MEGF10: variants seen among roughly 807,000 people sequenced by gnomAD.
The protein encoded by MEGF10 is multiple EGF like domains 10, also known as multiple epidermal growth factor-like domains protein 10.
MEGF10 carries 86 observed loss-of-function variants against 147.5 expected under a neutral mutation model. That is an observed-to-expected ratio of 0.58 (90% CI 0.49 to 0.70). The LOEUF is 0.70. Ranked by LOEUF, MEGF10 falls within the 30% of genes least tolerant of loss-of-function variation. The pLI, the probability that MEGF10 is intolerant of heterozygous loss-of-function variation, is 0.00. For missense variants in MEGF10, 1,329 were observed against 1,487.3 expected (o/e 0.89, Z 1.75); for synonymous variants, 478 against 525.5 (o/e 0.91, Z 1.24).
At chr5:127,332,161 A>G (rs1042240091) in intron 2 of MEGF10, among the ~76,000 whole-genome samples, 2 of 152,186 alleles carry the variant, frequency 1.3e-5, no homozygotes, top group African/African-American at 4.8e-5. Context: ...GGGACTTTAT[A>G]GTCCCTTTTG....
At chr5:127,376,652 T>A (rs1763041237) in intron 5 of MEGF10, among the ~76,000 whole-genome samples, 1 of 152,150 alleles carries the variant, frequency 6.6e-6, no homozygotes, top group South Asian at 2.1e-4. Flanking sequence ...ACATTGATGA[T>A]CATGATGATA....
At chr5:127,416,411 G>T (rs771456935) in intron 9 of MEGF10, among the ~76,000 whole-genome samples, 9 of 152,130 alleles carry the variant, frequency 5.9e-5, no homozygotes, top group Non-Finnish European at 1.3e-4. Context: ...TTGGCCCAAG[G>T]ATAATAGAAG....
intron 4 of MEGF10, among the ~76,000 whole-genome samples, chr5:127,359,454 C>T (rs545441043): frequency 6.6e-6 from 1 of 151,964 alleles, no homozygotes; most frequent in Non-Finnish European, 1.5e-5. Flanking sequence ...GTACACAACC[C>T]TTAAACCCTC....
At chr5:127,316,451 A>AT (rs935495014) in intron 1 of MEGF10, among the ~76,000 whole-genome samples, 1 of 152,162 alleles carries the variant, frequency 6.6e-6, no homozygotes, top group African/African-American at 2.4e-5. Context: ...GAGACTACAT[A>AT]TTTTTTATCT....
rs370519370 is a variant in MEGF10, at chr5:127,449,053, G to A, written c.2857-46G>A. On this transcript the variant is annotated intron_variant, in intron 21 of 24. Transcript: ENST00000503335. ...CAGGTCCATAACGCTGTGCTGTGCCGCATTGTATTTTGTTTTTAATCTTTC... is the reference window on the plus strand; with the variant it reads ...CAGGTCCATAACGCTGTGCTGTGCCACATTGTATTTTGTTTTTAATCTTTC... 2.2e-5 allele frequency: 36 copies of A among 1,608,714 alleles called. No homozygotes were observed. The African/African-American group carries it at 3.1e-4, about 14-fold the overall frequency.
chr5:127,243,406 A>T, the MEGF10 span, among the ~76,000 whole-genome samples: 3 of 152,192 alleles, frequency 2.0e-5, no homozygotes, highest in African/African-American at 7.2e-5. Context: ...CCCTCCCAAA[A>T]AAGCTCTCTT....
At chr5:127,354,013 C>T (rs911815565) in intron 4 of MEGF10, among the ~76,000 whole-genome samples, 4 of 152,230 alleles carry the variant, frequency 2.6e-5, no homozygotes, top group East Asian at 1.9e-4. Context: ...TGTATGATTT[C>T]CTGTTCTTAA....
chr5:127,319,130 C>T (rs1055010314), intron 1 of MEGF10, among the ~76,000 whole-genome samples: 6 of 147,740 alleles, frequency 4.1e-5, no homozygotes, highest in Non-Finnish European at 8.9e-5. Flanking sequence ...GGCTGGAGTG[C>T]AGTGGTATGA....
intron 8 of MEGF10, among the ~76,000 whole-genome samples, chr5:127,406,652 C>T (rs1324374425): frequency 6.6e-6 from 1 of 152,080 alleles, no homozygotes; most frequent in Non-Finnish European, 1.5e-5. Context: ...CAGTCCTCCC[C>T]GCCAGAGAGA....
intron 8 of MEGF10, among the ~76,000 whole-genome samples, chr5:127,407,384 A>C (rs80129618): frequency 0.021 from 3,153 of 152,300 alleles, 59 homozygotes; most frequent in Middle Eastern, 0.086. Context: ...TAACTCACTT[A>C]CTTTTTTCCT....
the MEGF10 span, among the ~76,000 whole-genome samples, chr5:127,246,405 G>A: frequency 2.6e-5 from 4 of 152,054 alleles, no homozygotes; most frequent in Non-Finnish European, 5.9e-5. Flanking sequence ...GTTGAACAAT[G>A]AGAATATATG....
chr5:127,309,456 C>T (rs1760163319), intron 1 of MEGF10, among the ~76,000 whole-genome samples: 1 of 152,192 alleles, frequency 6.6e-6, no homozygotes, highest in South Asian at 2.1e-4. Context: ...TTTCCTCTTA[C>T]TCCAGCCCTT....
In MEGF10 at chr5:127,409,017, C is replaced by T. The variant is rs141918777; in HGVS notation, c.918-1372C>T. ...AATTGAGCCCAGGAGTTCGAGGTTA[C>T]AGTGAGCTATGATGGCACCACTGCA... On this transcript the variant is annotated intron_variant, in intron 8 of 24. Coordinates refer to ENST00000503335, the MANE Select transcript of MEGF10 (RefSeq NM_001256545.2). 5.8e-3 allele frequency among the ~76,000 whole-genome samples: 879 copies of T among 152,190 alleles called. 11 individuals carry two copies. Among genetic ancestry groups the T allele is most frequent in the African/African-American group, 0.02 (840 of 41,516 alleles).
chr5:127,358,756 T>C (rs1039925325), intron 4 of MEGF10, among the ~76,000 whole-genome samples: 2 of 152,202 alleles, frequency 1.3e-5, no homozygotes, highest in Non-Finnish European at 2.9e-5. Flanking sequence ...TCAGACCTGT[T>C]GTAGGTTCAG....
Position 127,459,979 on chromosome 5 carries a change from A to G in MEGF10, c.*2661A>G, listed in dbSNP as rs940799953. 2.0e-5 allele frequency: 3 copies of G among 152,238 alleles called. No homozygotes were observed. The highest frequency in any genetic ancestry group is 2.0e-4 in the Admixed American group (3 of 15,284). 9.4% of individuals were successfully genotyped at this position (152,238 alleles called of 1,614,324 possible). On this transcript the variant is annotated 3_prime_UTR_variant, in exon 25 of 25. Transcript: ENST00000503335. ...ATCTTGGCAAAATTTTCCCTCTGAA[A>G]TTACAAACTTTAGGAACTTTTCCAG...
intron 5 of MEGF10, among the ~76,000 whole-genome samples, chr5:127,386,726 C>A (rs1300519295): frequency 2.0e-5 from 3 of 152,166 alleles, no homozygotes; most frequent in East Asian, 3.8e-4. Flanking sequence ...ATGAATGATT[C>A]ATGCAAGACA....
chr5:127,458,150 A>T lies in MEGF10; in HGVS notation c.*832A>T, dbSNP rs180938359. On this transcript the variant is annotated 3_prime_UTR_variant, in exon 25 of 25. Transcript: ENST00000503335. Reference sequence around the variant, plus strand: ...CAATAGTTATTTCATAAATATAGAAATGAAATAATTTTATTTTTGACAGAC... The same window carrying T: ...CAATAGTTATTTCATAAATATAGAATTGAAATAATTTTATTTTTGACAGAC... The T allele has an allele frequency of 3.0e-4, 46 of 152,334 alleles. No individual in the cohort carries two copies. Among genetic ancestry groups the T allele is most frequent in the Admixed American group, 2.7e-3 (42 of 15,292 alleles). 9.4% of individuals were successfully genotyped at this position (152,334 alleles called of 1,614,324 possible).
the MEGF10 span, among the ~76,000 whole-genome samples, chr5:127,273,475 A>C: frequency 6.6e-6 from 1 of 152,224 alleles, no homozygotes; most frequent in Non-Finnish European, 1.5e-5. Context: ...AGTGCCATGC[A>C]CTGCAGCTGC....
At position 127,433,414 on chromosome 5, in the gene MEGF10, C is replaced by G; in HGVS notation, c.1745C>G (p.Ser582Cys). ...GAGGGACGCTGGGGCCCCAACTGCT[C>G]CCTGCCCTGCTACTGTAAAAATGGG... ...CAEGRWGPNC[S>C]LPCYCKNGAS... Residue 582 changes from serine to cysteine, a missense_variant, in exon 14 of 25, where the codon TCC becomes TGC. Transcript: ENST00000503335. 6.2e-7 allele frequency: 1 copy of G among 1,614,156 alleles called. No individual in the cohort carries two copies. Among genetic ancestry groups the G allele is most frequent in the Non-Finnish European group, 8.5e-7 (1 of 1,180,004 alleles).
Sources: allele counts gnomAD v4.1 joint callset (sites outside exome capture counted in the v4.1 genomes callset), GRCh38; gene constraint gnomAD v4.1.1; transcripts MANE v1.5; gene names NCBI Gene and HGNC (gene_info 2026-07-23, HGNC 2026-07-21).